PLBD2: variants seen among roughly 807,000 people sequenced by gnomAD.
PLBD2 encodes phospholipase B domain containing 2.
PLBD2 carries 51 observed loss-of-function variants against 68.3 expected under a neutral mutation model. The ratio of observed to expected loss-of-function variants is 0.75; its 90% CI spans 0.60 to 0.94. The LOEUF (loss-of-function observed/expected upper bound fraction) is 0.94, where lower values mean the gene tolerates loss of function less well. Among genes scored for constraint, PLBD2 ranks in the 40% least tolerant of loss-of-function variants. The probability of loss-of-function intolerance (pLI) is 0.00; values close to 1 mark genes in which losing one functional copy is unlikely to be tolerated. For missense variants in PLBD2, 729 were observed against 792.2 expected, an observed-to-expected ratio of 0.92 and a Z score of 0.96; for synonymous variants, 314 against 339.3, an observed-to-expected ratio of 0.93 and a Z score of 0.82.
chr12:113,375,110 G>T (rs1199193208), intron 5 of PLBD2, 103 bp downstream of exon 5: 1 of 1,038,792 alleles, frequency 9.6e-7, no homozygotes, highest in Non-Finnish European at 1.4e-6. Context: ...CCAACACACG[G>T]AGTCACTGCA....
chr12:113,361,230 G>A (rs1019369807), intron 1 of PLBD2, among the ~76,000 whole-genome samples: 1 of 151,606 alleles, frequency 6.6e-6, no homozygotes. Flanking sequence ...CCTCCTTCCT[G>A]GTGAAATCCC....
chr12:113,360,571 C>T (rs1337801930), intron 1 of PLBD2, among the ~76,000 whole-genome samples: 1 of 152,258 alleles, frequency 6.6e-6, no homozygotes, highest in Non-Finnish European at 1.5e-5. Context: ...CTTCACCTCT[C>T]TGAGCATGTT....
At chr12:113,386,797 G>A (rs1957557200) in intron 9 of PLBD2, 140 bp from the exon 10 acceptor site, 7 of 949,206 alleles carry the variant, frequency 7.4e-6, no homozygotes, top group Non-Finnish European at 9.0e-6. Context: ...GGGATTACAG[G>A]TGTGAGCCAC....
chr12:113,387,940 TG>T, intron 11 of PLBD2, 34 bp downstream of exon 11: 1 of 1,606,532 alleles, frequency 6.2e-7, no homozygotes, highest in Non-Finnish European at 8.5e-7. Flanking sequence ...GAGCTGTGGG[TG>T]GGGGAAGTCA....
chr12:113,380,074 A>C (rs986513831), intron 5 of PLBD2, among the ~76,000 whole-genome samples: 1 of 152,192 alleles, frequency 6.6e-6, no homozygotes, highest in African/African-American at 2.4e-5. Context: ...ATGCTACATT[A>C]ATAGTTGTTA....
In PLBD2 at chr12:113,384,160, G is replaced by A. The variant is rs775293428; in HGVS notation, c.1013G>A (p.Arg338Gln). Residue 338 changes from arginine (R) to glutamine (Q), a missense_variant, in exon 7 of 12, where the codon CGG becomes CAG. Arg to Gln is a conservative substitution (Grantham distance 43). Transcript: ENST00000280800. The surrounding 1 kb of genome is among the most constrained non-coding windows in gnomAD (Gnocchi z 4.2). ...NKNPALWKYV[R>Q]PRGCVLEWVR... is the part of the protein sequence containing the mutation. ...AACCCAGCCCTGTGGAAGTATGTGC[G>A]GCCCAGGGGCTGTGTGCTGGAGTGG... is the stretch of plus-strand genomic sequence containing the variant. The A allele has an allele frequency of 8.7e-6, 14 of 1,613,786 alleles. No individual in the cohort carries two copies. The highest frequency in any genetic ancestry group is 3.3e-5 in the Admixed American group (2 of 59,986).
chr12:113,372,333 A>G lies in PLBD2; in HGVS notation c.385-316A>G, dbSNP rs1957396377. On this transcript the variant is annotated intron_variant, in intron 2 of 11. Coordinates refer to ENST00000280800, the MANE Select transcript of PLBD2 (RefSeq NM_173542.4). The surrounding 1 kb of genome is among the most constrained non-coding windows in gnomAD (Gnocchi z 4.2). Reference sequence around the variant, plus strand: ...CTCAGTGCTTAAAAAGGAACATAATAGGTGCTCAAAAAAAAAACATTCATG... The same window carrying G: ...CTCAGTGCTTAAAAAGGAACATAATGGGTGCTCAAAAAAAAAACATTCATG... 6.6e-6 allele frequency among the ~76,000 whole-genome samples: 1 copy of G among 151,740 alleles called. No individual in the cohort carries two copies. The highest frequency in any genetic ancestry group is 2.1e-4 in the South Asian group (1 of 4,802).
intron 9 of PLBD2, 39 bp from the exon 10 acceptor site, chr12:113,386,898 C>A (rs1957558117): frequency 1.9e-6 from 3 of 1,604,548 alleles, no homozygotes; most frequent in Non-Finnish European, 2.5e-6. Context: ...CTGAGTGAGG[C>A]CAGTGGGGGT....
At chr12:113,386,171 T>G (rs969893440) in intron 9 of PLBD2, among the ~76,000 whole-genome samples, 1 of 146,386 alleles carries the variant, frequency 6.8e-6, no homozygotes, top group Admixed American at 6.7e-5. Context: ...ATAGTTGGTT[T>G]TGTTGTTGTT....
rs1390272703 is a variant in PLBD2 at position 113,388,538 on chromosome 12, A to T, written c.1682A>T (p.Gln561Leu). The T allele has an allele frequency of 6.2e-7, 1 of 1,611,332 alleles. No homozygotes were observed. Among genetic ancestry groups the T allele is most frequent in the African/African-American group, 1.3e-5 (1 of 74,826 alleles). ...GPTWDQVPPFQWSTSPFSGLL... is the reference protein window; with the variant it reads ...GPTWDQVPPFLWSTSPFSGLL... ...ACGTGGGACCAGGTGCCCCCGTTCC[A>T]GTGGAGCACCTCGCCCTTCAGCGGC... Residue 561 changes from glutamine to leucine, a missense_variant, in exon 12 of 12, where the codon CAG (glutamine) becomes CTG (leucine). Gln to Leu is a moderately radical substitution (Grantham distance 113). Coordinates refer to ENST00000280800, the MANE Select transcript of PLBD2 (RefSeq NM_173542.4).
intron 10 of PLBD2, 66 bp from the exon 11 acceptor site, chr12:113,387,678 A>C (rs1039449659): frequency 2.0e-6 from 3 of 1,536,778 alleles, no homozygotes; most frequent in Non-Finnish European, 1.8e-6. Flanking sequence ...GCCTGTGAGG[A>C]TTTTGGCCCC....
At chr12:113,365,122 C>T (rs1443667985) in intron 1 of PLBD2, among the ~76,000 whole-genome samples, 1 of 152,142 alleles carries the variant, frequency 6.6e-6, no homozygotes, top group African/African-American at 2.4e-5. Flanking sequence ...ACTATACCTC[C>T]TTGCCCCCAA....
intron 5 of PLBD2, among the ~76,000 whole-genome samples, chr12:113,380,079 T>C (rs1315257643): frequency 6.6e-6 from 1 of 152,200 alleles, no homozygotes; most frequent in Non-Finnish European, 1.5e-5. Flanking sequence ...ACATTAATAG[T>C]TGTTATACTG....
In PLBD2 at chr12:113,384,318, C is replaced by G; in HGVS notation, c.1118+53C>G. The G allele has an allele frequency of 1.3e-6, 2 of 1,559,900 alleles. No individual in the cohort carries two copies. Among genetic ancestry groups the G allele is most frequent in the Non-Finnish European group, 1.7e-6 (2 of 1,150,818 alleles). ...CCCCTGCACCAAGAGATAGACCAAC[C>G]TCCCCTTTAACACTCACACTCCTGG... On this transcript the variant is annotated intron_variant, in intron 7 of 11. Coordinates refer to ENST00000280800, the MANE Select transcript of PLBD2 (RefSeq NM_173542.4). This position sits in a 1 kb window ranked among gnomAD's most constrained non-coding sequence, Gnocchi z 4.2.
chr12:113,387,260 T>G (rs1288392877), intron 10 of PLBD2, among the ~76,000 whole-genome samples, 171 bp downstream of exon 10: 1 of 151,798 alleles, frequency 6.6e-6, no homozygotes, highest in African/African-American at 2.4e-5. Context: ...GCTCTCCACT[T>G]GGGCCCTGTC....
At chr12:113,378,152 C>T (rs1283382621) in intron 5 of PLBD2, among the ~76,000 whole-genome samples, 5 of 152,068 alleles carry the variant, frequency 3.3e-5, no homozygotes, top group African/African-American at 9.7e-5. Context: ...ACTAGCTGGG[C>T]GTGGTGGCGC....
chr12:113,374,684 G>A, intron 4 of PLBD2, 109 bp from the exon 5 acceptor site: 5 of 1,476,242 alleles, frequency 3.4e-6, no homozygotes, highest in Non-Finnish European at 3.7e-6. Context: ...CTGTGGCCTT[G>A]GAACAGTCAG....
intron 1 of PLBD2, among the ~76,000 whole-genome samples, chr12:113,363,693 A>T (rs1957316549): frequency 6.6e-6 from 1 of 151,536 alleles, no homozygotes; most frequent in Non-Finnish European, 1.5e-5. Context: ...GCCCGCCCCC[A>T]CGCCCGGCTA....
At position 113,358,646 on chromosome 12, in the gene PLBD2, G is replaced by C. The variant is rs960087950; in HGVS notation, c.46G>C (p.Ala16Pro). The C allele has an allele frequency of 1.4e-5, 21 of 1,463,646 alleles. No homozygotes were observed. Among genetic ancestry groups the C allele is most frequent in the Middle Eastern group, 4.7e-4 (2 of 4,226 alleles). 90.7% of individuals were successfully genotyped at this position (1,463,646 alleles called of 1,614,324 possible). The change falls in exon 1 of 12, where the codon GCG (alanine) becomes CCG (proline). Residue 16 changes from alanine (A) to proline (P), a missense_variant. Ala to Pro is a conservative substitution (Grantham distance 27). Transcript: ENST00000280800. ...YCYPGSHLAR[A>P]LTRALALALV... is the part of the protein sequence containing the mutation. ...CTACCCCGGCAGCCACCTGGCCCGG[G>C]CGCTGACGCGGGCGCTGGCGCTGGC...
Sources: gnomAD v4.1 joint callset for allele counts (sites outside exome capture counted in the v4.1 genomes callset) on GRCh38, gnomAD v4.1.1 for gene constraint, Gnocchi (gnomAD v3.1) non-coding constraint, MANE v1.5 for transcripts, NCBI Gene and HGNC (gene_info 2026-07-23, HGNC 2026-07-21) for gene names.